The following ELMO1 variants were observed in gnomAD, a reference collection of about 807,000 sequenced individuals.
ELMO1 encodes engulfment and cell motility 1, also known as engulfment and cell motility protein 1.
Under a neutral mutation model 98.9 loss-of-function variants are expected in ELMO1, and 26 were observed. That is an observed-to-expected ratio of 0.26 (90% CI 0.19 to 0.36). ELMO1 has a LOEUF of 0.36. ELMO1 is among the 10% of genes least tolerant of loss of function. The pLI, the probability that ELMO1 is intolerant of heterozygous loss-of-function variation, is 1.00. For synonymous variants in ELMO1, 346 were observed against 346.0 expected, an observed-to-expected ratio of 1.00 and a Z score of 0.00; for missense variants, 627 against 935.2, an observed-to-expected ratio of 0.67 and a Z score of 4.30.
At chr7:36,898,646 G>A (rs1011209357) in intron 16 of ELMO1, among the ~76,000 whole-genome samples, 4 of 152,138 alleles carry the variant, frequency 2.6e-5, no homozygotes, top group Non-Finnish European at 5.9e-5. Flanking sequence ...ATGTAAATGC[G>A]CTCCTGTGTT....
At chr7:37,140,204 C>T (rs1787529771) in intron 13 of ELMO1, among the ~76,000 whole-genome samples, 1 of 149,916 alleles carries the variant, frequency 6.7e-6, no homozygotes, top group African/African-American at 2.5e-5. Flanking sequence ...TGAAACCCCA[C>T]CTCTACTAAA....
intron 13 of ELMO1, among the ~76,000 whole-genome samples, chr7:37,166,912 C>G (rs10271632): frequency 6.6e-6 from 1 of 151,858 alleles, no homozygotes; most frequent in African/African-American, 2.4e-5. Flanking sequence ...TCTATCTCGT[C>G]GATCTGTCTA....
intron 14 of ELMO1, among the ~76,000 whole-genome samples, chr7:37,110,554 T>G (rs1049740365): frequency 2.6e-5 from 4 of 152,210 alleles, no homozygotes; most frequent in African/African-American, 9.6e-5. Flanking sequence ...GTTCTGCACA[T>G]GTATCCCAGA....
intron 9 of ELMO1, 30 bp downstream of exon 9, chr7:37,224,849 C>A: frequency 6.2e-7 from 1 of 1,607,628 alleles, no homozygotes; most frequent in Non-Finnish European, 8.5e-7. Flanking sequence ...TGAAGCATTT[C>A]TCCTCCCCAG....
At chr7:37,185,935 C>T (rs1009309427) in intron 13 of ELMO1, among the ~76,000 whole-genome samples, 7 of 152,150 alleles carry the variant, frequency 4.6e-5, no homozygotes, top group African/African-American at 1.4e-4. Flanking sequence ...TCAGTAACTC[C>T]GCTGACTTCT....
intron 13 of ELMO1, among the ~76,000 whole-genome samples, chr7:37,207,968 T>G (rs1411762597): frequency 6.6e-6 from 1 of 152,224 alleles, no homozygotes; most frequent in Non-Finnish European, 1.5e-5. Context: ...TCAGAAAAAT[T>G]TGCTCCATTG....
At chr7:37,130,971 A>C (rs751731501) in intron 14 of ELMO1, among the ~76,000 whole-genome samples, 46 of 152,198 alleles carry the variant, frequency 3.0e-4, no homozygotes, top group Non-Finnish European at 6.2e-4. Flanking sequence ...GATTGAGCCC[A>C]TCTTTATGTT....
intron 16 of ELMO1, among the ~76,000 whole-genome samples, chr7:37,005,744 A>C (rs894196853): frequency 2.6e-5 from 4 of 151,248 alleles, no homozygotes; most frequent in Non-Finnish European, 5.9e-5. Flanking sequence ...TAATCACTAA[A>C]CTTGAGGGAG....
rs531593152 is a variant in ELMO1, at chr7:37,165,497, T to C, written c.1087-32263A>G. On this transcript the variant is annotated intron_variant, in intron 13 of 21. Transcript: ENST00000310758. ...TTTGTCATAAATAGCTCTTATTATT[T>C]TGAGATATGTCCCATCAATACCTAA... 3.1e-3 allele frequency among the ~76,000 whole-genome samples: 479 copies of C among 152,240 alleles called. 2 individuals are homozygous for C. The highest frequency in any genetic ancestry group is 5.4e-3 in the Non-Finnish European group (364 of 68,022).
chr7:37,093,524 A>G (rs67815037), intron 15 of ELMO1, among the ~76,000 whole-genome samples: 35,432 of 152,188 alleles, frequency 0.23, 6,612 homozygotes, highest in African/African-American at 0.52. Flanking sequence ...GAGAAAAATA[A>G]TCACATACAA....
intron 20 of ELMO1, among the ~76,000 whole-genome samples, chr7:36,869,043 T>A (rs1254001193): frequency 6.6e-6 from 1 of 152,220 alleles, no homozygotes; most frequent in African/African-American, 2.4e-5. Context: ...AACTGGAGAT[T>A]TGCTGCTATA....
intron 14 of ELMO1, among the ~76,000 whole-genome samples, chr7:37,103,763 G>A (rs540076491): frequency 5.9e-5 from 9 of 151,860 alleles, no homozygotes; most frequent in East Asian, 1.9e-4. Context: ...TTGGGAGGCC[G>A]AGGCAGGCGG....
intron 6 of ELMO1, among the ~76,000 whole-genome samples, chr7:37,251,083 G>A (rs1319609356): frequency 1.3e-5 from 2 of 152,164 alleles, no homozygotes; most frequent in African/African-American, 4.8e-5. Context: ...CATGGACAAA[G>A]ACTGTGGTGT....
intron 15 of ELMO1, among the ~76,000 whole-genome samples, chr7:37,096,050 T>C (rs1281201933): frequency 1.3e-5 from 2 of 152,214 alleles, no homozygotes; most frequent in African/African-American, 2.4e-5. Flanking sequence ...ATCCTTTCTT[T>C]TTCTGTATGT....
Position 37,213,402 on chromosome 7 carries a change from AC to A in ELMO1, c.886del (p.Val296PhefsTer14). 6.2e-7 allele frequency: 1 copy of A among 1,612,708 alleles called. No homozygotes were observed. Among genetic ancestry groups the A allele is most frequent in the Non-Finnish European group, 8.5e-7 (1 of 1,179,792 alleles). On this transcript the variant is annotated frameshift_variant, in exon 12 of 22. Transcript: ENST00000310758. LOFTEE classifies it high-confidence loss of function. ...INNEMAHQLY[V>X]LQVLTFNLLE... ...GAGGTTAAAGGTGAGCACTTGTAGAACATACAGCTGGTGCGCCATCTCATTG... is the reference window on the plus strand; with the variant it reads ...GAGGTTAAAGGTGAGCACTTGTAGAAATACAGCTGGTGCGCCATCTCATTG...
chr7:37,314,836 T>C lies in ELMO1; in HGVS notation c.192+14A>G. On this transcript the variant is annotated intron_variant, in intron 4 of 21. Coordinates refer to ENST00000310758, the MANE Select transcript of ELMO1 (RefSeq NM_014800.11). ...TCAATATGTATCCCATATTAAATAATGTAGTTGACCTACCTTTTCTGTGAT... is the reference window on the plus strand; with the variant it reads ...TCAATATGTATCCCATATTAAATAACGTAGTTGACCTACCTTTTCTGTGAT... The C allele has an allele frequency of 1.2e-6, 2 of 1,608,422 alleles. No homozygotes were observed. Among genetic ancestry groups the C allele is most frequent in the African/African-American group, 1.3e-5 (1 of 74,888 alleles).
At chr7:37,160,587 C>G (rs1789130792) in intron 13 of ELMO1, among the ~76,000 whole-genome samples, 1 of 152,174 alleles carries the variant, frequency 6.6e-6, no homozygotes, top group Admixed American at 6.5e-5. Context: ...GCCATAGGTA[C>G]TGCTTCTCTG....
At chr7:37,146,445 C>T (rs1787994099) in intron 13 of ELMO1, among the ~76,000 whole-genome samples, 1 of 152,186 alleles carries the variant, frequency 6.6e-6, no homozygotes, top group African/African-American at 2.4e-5. Flanking sequence ...TTGACTCCCC[C>T]TGTACTAGGT....
At chr7:36,979,516 G>A (rs1327818657) in intron 16 of ELMO1, among the ~76,000 whole-genome samples, 1 of 152,162 alleles carries the variant, frequency 6.6e-6, no homozygotes, top group African/African-American at 2.4e-5. Context: ...CGCTGGCTCA[G>A]GGAATCTAGG....
Sources: allele counts gnomAD v4.1 joint callset (sites outside exome capture counted in the v4.1 genomes callset), GRCh38; gene constraint gnomAD v4.1.1; transcripts MANE v1.5; gene names NCBI Gene and HGNC (gene_info 2026-07-23, HGNC 2026-07-21).